Variants in TRIB2 observed in about 807,000 individuals in gnomAD.
TRIB2 encodes tribbles pseudokinase 2.
In TRIB2, 2 loss-of-function variants were observed where a neutral mutation model predicts 26.8. That is an observed-to-expected ratio of 0.07 (90% CI 0.03 to 0.24). TRIB2 has a LOEUF of 0.24. TRIB2 is among the 10% of genes least tolerant of loss of function. TRIB2 has a pLI of 1.00. For missense variants in TRIB2, 306 were observed against 449.0 expected (o/e 0.68, Z 2.88); for synonymous variants, 189 against 187.3 (o/e 1.01, Z -0.08).
At chr2:12,720,994 A>C (rs968240283) in intron 1 of TRIB2, among the ~76,000 whole-genome samples, 1 of 152,150 alleles carries the variant, frequency 6.6e-6, no homozygotes, top group Non-Finnish European at 1.5e-5. Context: ...GTCACATTAC[A>C]TAACCAAGGC....
chr2:12,741,520 C>T lies in TRIB2; in HGVS notation c.*726C>T, dbSNP rs1241345377. The T allele has an allele frequency of 6.6e-6, 1 of 152,158 alleles. No individual in the cohort carries two copies. Among genetic ancestry groups the T allele is most frequent in the Non-Finnish European group, 1.5e-5 (1 of 68,034 alleles). The allele number at this position is 152,158 out of a possible 1,614,324, so 9.4% of individuals were successfully genotyped here. A position where few individuals can be genotyped will look rare whatever the true frequency, so the allele number is the denominator to read the frequency against. ...TGGCAGGAAGCTATTAGAAGTCAAA[C>T]GTCCAGATGCATTACTGCTATCTTA... On this transcript the variant is annotated 3_prime_UTR_variant, in exon 3 of 3. Coordinates refer to ENST00000155926, the MANE Select transcript of TRIB2 (RefSeq NM_021643.4).
In TRIB2 at chr2:12,717,716, CT is replaced by C. The variant is rs1558313323; in HGVS notation, c.-590del. 5.2e-6 allele frequency: 2 copies of C among 385,026 alleles called. No individual in the cohort carries two copies. Among genetic ancestry groups the C allele is most frequent in the Non-Finnish European group, 9.2e-6 (2 of 218,262 alleles). 23.9% of individuals were successfully genotyped at this position (385,026 alleles called of 1,614,324 possible). On this transcript the variant is annotated 5_prime_UTR_variant, in exon 1 of 3. Transcript: ENST00000155926. This position sits in a 1 kb window ranked among gnomAD's most constrained non-coding sequence, Gnocchi z 4.8. ...TAACTGCCCTCTCCCGCACCCCCCC[CT>C]TACACGCCCCCCACCCTTTCCACCA... is the stretch of plus-strand genomic sequence containing the variant.
At position 12,732,149 on chromosome 2, in the gene TRIB2, G is replaced by A. The variant is rs766358564; in HGVS notation, c.564-8177G>A. ...GCTTGTGTGGTGTCTGCATGGGGGCGTGGGAAGGTGTTCGGGTACAATGAG... is the reference window on the plus strand; with the variant it reads ...GCTTGTGTGGTGTCTGCATGGGGGCATGGGAAGGTGTTCGGGTACAATGAG... On this transcript the variant is annotated intron_variant, in intron 2 of 2. Transcript: ENST00000155926. This position sits in a 1 kb window ranked among gnomAD's most constrained non-coding sequence, Gnocchi z 4.2. Among the ~76,000 whole-genome samples the A allele has an allele frequency of 6.6e-6, 1 of 152,150 alleles. No individual in the cohort carries two copies. The highest frequency in any genetic ancestry group is 1.5e-5 in the Non-Finnish European group (1 of 68,030).
Position 12,718,618 on chromosome 2 carries a change from C to G in TRIB2, c.270+41C>G, listed in dbSNP as rs113305500. 6.3e-7 allele frequency: 1 copy of G among 1,595,282 alleles called. No individual in the cohort carries two copies. Among genetic ancestry groups the G allele is most frequent in the East Asian group, 2.3e-5 (1 of 44,430 alleles). ...GTTGCTTTTTGTCTTTGGAAGGGGC[C>G]CGAGGGAGCGGGAGGGCGCCAGGCC... On this transcript the variant is annotated intron_variant, in intron 1 of 2. Transcript: ENST00000155926. The surrounding 1 kb of genome is among the most constrained non-coding windows in gnomAD (Gnocchi z 4.0).
chr2:12,740,693 G>A lies in TRIB2; in HGVS notation c.931G>A (p.Asp311Asn). 1 of 1,614,226 alleles carries A rather than the reference G, an allele frequency of 6.2e-7. No homozygotes were observed. Among genetic ancestry groups the A allele is most frequent in the South Asian group, 1.1e-5 (1 of 91,090 alleles). Reference protein sequence around the residue: ...EILDHPWFSTDFSVSNSAYGA... With the variant: ...EILDHPWFSTNFSVSNSAYGA... ...TCTGGACCATCCTTGGTTTTCTACA[G>A]ATTTTAGCGTCTCGAATTCAGCATA... Residue 311 changes from aspartate to asparagine, a missense_variant, in exon 3 of 3, where the codon GAT (aspartate) becomes AAT (asparagine). Around this residue, in one of 4 missense-constraint regions of TRIB2, gnomAD observed 78 missense variants for 104.9 expected, o/e 0.74. Transcript: ENST00000155926. This position sits in a 1 kb window ranked among gnomAD's most constrained non-coding sequence, Gnocchi z 5.8.
Position 12,741,701 on chromosome 2 carries a change from T to C in TRIB2, c.*907T>C, listed in dbSNP as rs1360973520. On this transcript the variant is annotated 3_prime_UTR_variant, in exon 3 of 3. Transcript: ENST00000155926. ...GAGATTTTAGCAAGCTCCTGGAGTC[T>C]GATGCTTTTGCAGTACTCTGATCGC... The C allele has an allele frequency of 1.3e-5, 2 of 152,566 alleles. No homozygotes were observed. The highest frequency in any genetic ancestry group is 4.8e-5 in the African/African-American group (2 of 41,478). The allele number at this position is 152,566 out of a possible 1,614,324, so 9.5% of individuals were successfully genotyped here.
At chr2:12,729,163 C>G (rs944105583) in intron 2 of TRIB2, among the ~76,000 whole-genome samples, 1 of 152,164 alleles carries the variant, frequency 6.6e-6, no homozygotes, top group African/African-American at 2.4e-5. Flanking sequence ...CAGGGTGGAT[C>G]AGTGATCTCT....
chr2:12,737,765 T>C (rs749118606), intron 2 of TRIB2, among the ~76,000 whole-genome samples: 32 of 152,230 alleles, frequency 2.1e-4, no homozygotes, highest in Non-Finnish European at 4.3e-4. Context: ...GATGTTTGCA[T>C]GACAGTGTAA....
intron 2 of TRIB2, among the ~76,000 whole-genome samples, chr2:12,727,545 T>C (rs553719764): frequency 2.6e-5 from 4 of 152,308 alleles, no homozygotes; most frequent in South Asian, 2.1e-4. Context: ...ATTGACCATA[T>C]GTGCACTGGA....
chr2:12,719,984 G>T (rs1254874434), intron 1 of TRIB2, among the ~76,000 whole-genome samples: 1 of 152,188 alleles, frequency 6.6e-6, no homozygotes, highest in Non-Finnish European at 1.5e-5. Flanking sequence ...CCTTTGAAAT[G>T]AATGAATTCC....
chr2:12,738,421 C>A (rs1024758953), intron 2 of TRIB2, among the ~76,000 whole-genome samples: 1 of 152,106 alleles, frequency 6.6e-6, no homozygotes, highest in Non-Finnish European at 1.5e-5. Flanking sequence ...GAAGGAAATA[C>A]GTGATGTGAG....
intron 2 of TRIB2, among the ~76,000 whole-genome samples, chr2:12,739,105 C>G (rs1310084250): frequency 6.6e-6 from 1 of 152,046 alleles, no homozygotes; most frequent in African/African-American, 2.4e-5. Context: ...ACCCTATGCA[C>G]GCAGACACGT....
At chr2:12,719,872 T>C (rs535594898) in intron 1 of TRIB2, among the ~76,000 whole-genome samples, 1 of 152,298 alleles carries the variant, frequency 6.6e-6, no homozygotes, top group South Asian at 2.1e-4. Flanking sequence ...TTGCATCTTC[T>C]CTAAGTTATT....
rs765253133 is a variant in TRIB2, at chr2:12,740,772, A to G, written c.1010A>G (p.Asn337Ser). Residue 337 changes from asparagine to serine, a missense_variant, in exon 3 of 3, where the codon AAC becomes AGC. Asn to Ser is a conservative substitution (Grantham distance 46, BLOSUM62 1). This residue lies in a region of TRIB2 where 78 missense variants were observed against 104.9 expected (regional missense o/e 0.74). Coordinates refer to ENST00000155926, the MANE Select transcript of TRIB2 (RefSeq NM_021643.4). The surrounding 1 kb of genome is among the most constrained non-coding windows in gnomAD (Gnocchi z 5.8). Reference sequence around the variant, plus strand: ...GTGCCGGACGTCAACATGGAAGAGAACTTGGACCCTTTCTTTAACTGAGCT... The same window carrying G: ...GTGCCGGACGTCAACATGGAAGAGAGCTTGGACCCTTTCTTTAACTGAGCT... ...QLVPDVNMEE[N>S]LDPFFN 3 of 1,613,918 alleles carry G rather than the reference A, an allele frequency of 1.9e-6. No individual in the cohort carries two copies. In the Admixed American group the frequency reaches 5.0e-5, roughly 27 times the overall value.
intron 2 of TRIB2, among the ~76,000 whole-genome samples, chr2:12,736,181 C>T (rs1661562641): frequency 1.3e-5 from 2 of 152,048 alleles, no homozygotes; most frequent in South Asian, 4.1e-4. Context: ...TGGAAAAGGG[C>T]CTCAGATTTG....
At chr2:12,739,529 C>T (rs4668781) in intron 2 of TRIB2, among the ~76,000 whole-genome samples, 50,514 of 152,012 alleles carry the variant, frequency 0.33, 10,166 homozygotes, top group East Asian at 0.74. Context: ...AGGTTTGAGA[C>T]ACTGGGCCTG....
Position 12,724,891 on chromosome 2 carries a change from C to G in TRIB2, c.563+1339C>G, listed in dbSNP as rs1055691728. On this transcript the variant is annotated intron_variant, in intron 2 of 2. Transcript: ENST00000155926. ...ATACTGACAAAGGTATTCTCTCTAC[C>G]CTTGTATGTTCCACCTTTCTTGGAG... The G allele has an allele frequency of 4.6e-6, 7 of 1,530,062 alleles. No homozygotes were observed. The Admixed American group carries it at 6.5e-5, about 14-fold the overall frequency. 94.8% of individuals were successfully genotyped at this position (1,530,062 alleles called of 1,614,324 possible).
intron 2 of TRIB2, among the ~76,000 whole-genome samples, chr2:12,736,373 T>A (rs918104543): frequency 6.6e-6 from 1 of 152,106 alleles, no homozygotes; most frequent in African/African-American, 2.4e-5. Flanking sequence ...CTTGAGGTGG[T>A]GAGCTCTGCA....
chr2:12,738,614 A>G (rs1313827151), intron 2 of TRIB2, among the ~76,000 whole-genome samples: 1 of 152,138 alleles, frequency 6.6e-6, no homozygotes, highest in East Asian at 1.9e-4. Context: ...GGAAGATTTC[A>G]ATTTTGAGCA....
Sources: allele counts gnomAD v4.1 joint callset (sites outside exome capture counted in the v4.1 genomes callset), GRCh38; gene constraint gnomAD v4.1.1; regional missense constraint gnomAD v4.1.1; non-coding constraint Gnocchi (gnomAD v3.1); transcripts MANE v1.5; gene names NCBI Gene and HGNC (gene_info 2026-07-23, HGNC 2026-07-21).